ELMO1: variants seen among roughly 807,000 people sequenced by gnomAD.
The protein encoded by ELMO1 is engulfment and cell motility protein 1.
A neutral mutation model predicts 98.9 loss-of-function variants in ELMO1; 26 were observed. The observed-to-expected ratio is 0.26, with a 90% CI of 0.19 to 0.36. The LOEUF is 0.36. Ranked by LOEUF, ELMO1 falls within the 10% of genes least tolerant of loss-of-function variation. The pLI, the probability that ELMO1 is intolerant of heterozygous loss-of-function variation, is 1.00. For missense variants in ELMO1, 627 were observed against 935.2 expected (o/e 0.67, Z 4.30); for synonymous variants, 346 against 346.0 (o/e 1.00, Z 0.00).
intron 14 of ELMO1, among the ~76,000 whole-genome samples, chr7:37,128,004 C>T (rs776941599): frequency 6.6e-6 from 1 of 152,072 alleles, no homozygotes. Context: ...ACCAGCCTGG[C>T]CAACACGGCG....
intron 15 of ELMO1, among the ~76,000 whole-genome samples, chr7:37,033,991 A>G (rs973433267): frequency 6.6e-5 from 10 of 152,248 alleles, no homozygotes; most frequent in Non-Finnish European, 1.2e-4. Context: ...ACTTACTTAC[A>G]TTGTATTCCC....
intron 19 of ELMO1, among the ~76,000 whole-genome samples, chr7:36,872,582 A>G (rs989720234): frequency 2.6e-5 from 4 of 152,114 alleles, no homozygotes; most frequent in African/African-American, 9.7e-5. Context: ...GGTGGTCCCT[A>G]TGATTCCTGA....
At chr7:37,368,529 C>CGA (rs1801989639) in intron 1 of ELMO1, among the ~76,000 whole-genome samples, 1 of 152,156 alleles carries the variant, frequency 6.6e-6, no homozygotes, top group African/African-American at 2.4e-5. Flanking sequence ...CTCTGATCTT[C>CGA]TTTCCCAAAG....
intron 18 of ELMO1, among the ~76,000 whole-genome samples, chr7:36,878,868 G>A (rs750434019): frequency 1.3e-5 from 2 of 152,168 alleles, no homozygotes; most frequent in Non-Finnish European, 2.9e-5. Flanking sequence ...TATGAGGCAG[G>A]AAGAAAGAGG....
chr7:37,334,999 A>T (rs1303869574), intron 2 of ELMO1, among the ~76,000 whole-genome samples: 1 of 152,360 alleles, frequency 6.6e-6, no homozygotes, highest in Middle Eastern at 3.4e-3. Flanking sequence ...GTACACACAC[A>T]GTAACGGAGA....
intron 15 of ELMO1, among the ~76,000 whole-genome samples, chr7:37,062,519 A>T (rs559897973): frequency 6.6e-6 from 1 of 152,218 alleles, no homozygotes; most frequent in African/African-American, 2.4e-5. Flanking sequence ...ATTATGACAC[A>T]CTAATCAGAT....
intron 4 of ELMO1, among the ~76,000 whole-genome samples, chr7:37,296,757 A>G (rs1798047191): frequency 6.6e-6 from 1 of 152,224 alleles, no homozygotes; most frequent in African/African-American, 2.4e-5. Flanking sequence ...CTTTCCAGAT[A>G]CTTGGATATT....
At chr7:36,981,076 AT>A (rs139833363) in intron 16 of ELMO1, among the ~76,000 whole-genome samples, 2,783 of 148,270 alleles carry the variant, frequency 0.019, 87 homozygotes, top group African/African-American at 0.065. Flanking sequence ...AATCACATGG[AT>A]TTTTTTTTTC....
At chr7:37,112,718 T>C (rs536570368) in intron 14 of ELMO1, among the ~76,000 whole-genome samples, 1 of 152,190 alleles carries the variant, frequency 6.6e-6, no homozygotes, top group Non-Finnish European at 1.5e-5. Flanking sequence ...ATGCCAAATT[T>C]TGGAACCTTG....
At chr7:36,970,958 G>A (rs1789892562) in intron 16 of ELMO1, among the ~76,000 whole-genome samples, 1 of 152,226 alleles carries the variant, frequency 6.6e-6, no homozygotes, top group Non-Finnish European at 1.5e-5. Flanking sequence ...GTACCTGACA[G>A]AGCTGGACAT....
intron 2 of ELMO1, among the ~76,000 whole-genome samples, chr7:37,318,502 T>C (rs1350422633): frequency 1.3e-5 from 2 of 152,190 alleles, no homozygotes; most frequent in Non-Finnish European, 2.9e-5. Flanking sequence ...ATTACTTGGA[T>C]TTTAATTCAG....
chr7:37,166,672 T>C (rs564153312), intron 13 of ELMO1, among the ~76,000 whole-genome samples: 2 of 152,334 alleles, frequency 1.3e-5, no homozygotes, highest in African/African-American at 2.4e-5. Flanking sequence ...TAATCCTGAG[T>C]TCTAGTTTGA....
intron 13 of ELMO1, among the ~76,000 whole-genome samples, chr7:37,191,188 C>CAAAAA (rs70975003): frequency 1.1e-4 from 10 of 93,776 alleles, no homozygotes; most frequent in East Asian, 2.9e-4. Context: ...GACTCTGTCT[C>CAAAAA]AAAAAAAAAA....
chr7:37,380,133 C>T (rs975393899), intron 1 of ELMO1, among the ~76,000 whole-genome samples: 2 of 152,192 alleles, frequency 1.3e-5, no homozygotes, highest in Admixed American at 1.3e-4. Context: ...TGTCCTTCCC[C>T]TCTTCCAAGA....
chr7:36,897,713 T>C (rs1041430525), intron 16 of ELMO1, among the ~76,000 whole-genome samples: 3 of 152,236 alleles, frequency 2.0e-5, no homozygotes, highest in African/African-American at 7.2e-5. Flanking sequence ...CTTTAACTCC[T>C]ATTTATAGAT....
chr7:37,345,084 T>G (rs1026621894), intron 1 of ELMO1, among the ~76,000 whole-genome samples: 1 of 152,092 alleles, frequency 6.6e-6, no homozygotes, highest in Non-Finnish European at 1.5e-5. Flanking sequence ...GTAAAGGAAA[T>G]GAACCAAAAC....
intron 15 of ELMO1, among the ~76,000 whole-genome samples, chr7:37,037,264 A>C (rs1795229541): frequency 6.6e-6 from 1 of 152,198 alleles, no homozygotes; most frequent in Admixed American, 6.5e-5. Context: ...TTCAATGCCA[A>C]CAGTTCCTGT....
intron 15 of ELMO1, among the ~76,000 whole-genome samples, chr7:37,023,410 A>G (rs1794389661): frequency 6.6e-6 from 1 of 152,176 alleles, no homozygotes; most frequent in Non-Finnish European, 1.5e-5. Flanking sequence ...TATCCTGCCC[A>G]TCACCTCTAG....
intron 16 of ELMO1, among the ~76,000 whole-genome samples, chr7:36,973,414 A>G (rs574609486): frequency 6.6e-6 from 1 of 152,354 alleles, no homozygotes; most frequent in Admixed American, 6.5e-5. Context: ...ATCAGCTACC[A>G]TCTAAGTTGC....
Sources: gnomAD v4.1 joint callset for allele counts (sites outside exome capture counted in the v4.1 genomes callset) on GRCh38, gnomAD v4.1.1 for gene constraint, MANE v1.5 for transcripts, NCBI Gene and HGNC (gene_info 2026-07-23, HGNC 2026-07-21) for gene names.